Variants in RP1 observed in about 807,000 individuals in gnomAD.
RP1 encodes the protein RP1 axonemal microtubule associated.
RP1 carries 16 observed loss-of-function variants against 14.8 expected under a neutral mutation model. The ratio of observed to expected loss-of-function variants is 1.08; its 90% CI spans 0.73 to 1.65. The LOEUF (loss-of-function observed/expected upper bound fraction) is 1.65. Ranked by LOEUF, RP1 falls within the 40% of genes most tolerant of loss-of-function variation. The pLI, the probability that RP1 is intolerant of heterozygous loss-of-function variation, is 0.00. For missense variants in RP1, 2,631 were observed against 2,535.0 expected (o/e 1.04, Z -0.81); for synonymous variants, 876 against 883.6 (o/e 0.99, Z 0.15).
chr8:54,674,063 T>C, intron 8 of RP1: 1 of 657,954 alleles, frequency 1.5e-6, no homozygotes, highest in Non-Finnish European at 2.5e-6. Context: ...GAAATCAAAA[T>C]ATTGTCTCCA....
intron 19 of RP1, among the ~76,000 whole-genome samples, chr8:54,741,790 G>T (rs1162147889): frequency 2.4e-5 from 3 of 124,242 alleles, no homozygotes; most frequent in African/African-American, 9.0e-5. Context: ...ATTGAATCAT[G>T]CTATGTATGC....
At chr8:54,571,403 A>G (rs1354731703) in intron 1 of RP1, among the ~76,000 whole-genome samples, 1 of 152,162 alleles carries the variant, frequency 6.6e-6, no homozygotes, top group Non-Finnish European at 1.5e-5. Context: ...TGCCTAACAT[A>G]TCATAGGTGC....
intron 1 of RP1, among the ~76,000 whole-genome samples, chr8:54,568,438 T>C (rs1339274418): frequency 1.3e-5 from 2 of 152,092 alleles, no homozygotes; most frequent in Non-Finnish European, 2.9e-5. Flanking sequence ...GTTATTTTGT[T>C]CTTGAGTTAT....
intron 19 of RP1, among the ~76,000 whole-genome samples, chr8:54,740,218 G>C (rs1261514945): frequency 6.6e-6 from 1 of 150,620 alleles, no homozygotes; most frequent in African/African-American, 2.4e-5. Context: ...CTTTCAAGAA[G>C]TGTTCCAGAA....
chr8:54,867,317 A>G (rs1271619575), intron 28 of RP1, among the ~76,000 whole-genome samples: 2 of 152,182 alleles, frequency 1.3e-5, no homozygotes, highest in Admixed American at 1.3e-4. Context: ...TCTTTTCTCA[A>G]TGCACTTCCA....
chr8:54,728,555 G>A (rs202182544), intron 17 of RP1, among the ~76,000 whole-genome samples: 1 of 152,068 alleles, frequency 6.6e-6, no homozygotes, highest in African/African-American at 2.4e-5. Context: ...AAATAAAACT[G>A]TTCTGTCTTC....
chr8:54,848,516 C>T (rs1187343205), intron 25 of RP1, among the ~76,000 whole-genome samples: 1 of 152,176 alleles, frequency 6.6e-6, no homozygotes, highest in Admixed American at 6.5e-5. Context: ...TTCTCCCATA[C>T]ACACTGCTGG....
chr8:54,670,790 T>C (rs1208881099), intron 7 of RP1, among the ~76,000 whole-genome samples: 1 of 149,310 alleles, frequency 6.7e-6, no homozygotes, highest in African/African-American at 2.5e-5. Flanking sequence ...AATTAAACTC[T>C]ATTTTGTCTG....
chr8:54,852,941 A>T (rs1812090519), intron 26 of RP1, among the ~76,000 whole-genome samples: 1 of 152,200 alleles, frequency 6.6e-6, no homozygotes, highest in South Asian at 2.1e-4. Context: ...CTACTTCCAG[A>T]TAGGGCAGAC....
chr8:54,743,489 T>C (rs1809148042), intron 19 of RP1, among the ~76,000 whole-genome samples: 1 of 152,186 alleles, frequency 6.6e-6, no homozygotes, highest in Non-Finnish European at 1.5e-5. Context: ...TTTTTCCTTC[T>C]CTCCATTTCA....
intron 1 of RP1, among the ~76,000 whole-genome samples, chr8:54,579,942 A>G (rs149083923): frequency 1.0e-3 from 154 of 152,304 alleles, no homozygotes; most frequent in African/African-American, 3.7e-3. Context: ...GCTCCCTCAC[A>G]TTCCTCCTGG....
chr8:54,803,679 C>T (rs1338697019), intron 24 of RP1, among the ~76,000 whole-genome samples: 1 of 151,974 alleles, frequency 6.6e-6, no homozygotes, highest in Non-Finnish European at 1.5e-5. Context: ...AACATGTATG[C>T]TACAATTTAT....
intron 5 of RP1, among the ~76,000 whole-genome samples, chr8:54,654,079 T>C (rs1030240322): frequency 2.6e-5 from 4 of 152,240 alleles, no homozygotes; most frequent in African/African-American, 9.6e-5. Flanking sequence ...GCCTAAGGTT[T>C]ACTTTGGCTC....
At position 54,734,807 on chromosome 8, in the gene RP1, A is replaced by AGTGT. The variant is rs112017805; in HGVS notation, c.2721+84_2721+87dup. The AGTGT allele has an allele frequency of 3.2e-3, 3,855 of 1,200,840 alleles. 51 individuals are homozygous for AGTGT. In the African/African-American group the frequency reaches 0.043, roughly 13 times the overall value. 74.4% of individuals were successfully genotyped at this position (1,200,840 alleles called of 1,614,324 possible). On this transcript the variant is annotated intron_variant, in intron 18 of 22. Coordinates refer to the RP1 transcript ENST00000636932. ...TTCAAAGACATTTCTGTAATGTAGAAGTGTGTGTGTGTGTGTGTGTGTGTC... is the reference window on the plus strand; with the variant it reads ...TTCAAAGACATTTCTGTAATGTAGAAGTGTGTGTGTGTGTGTGTGTGTGTGTGTC...
intron 1 of RP1, among the ~76,000 whole-genome samples, chr8:54,571,309 C>A (rs1488789097): frequency 5.3e-5 from 8 of 152,220 alleles, no homozygotes; most frequent in Non-Finnish European, 1.2e-4. Flanking sequence ...CACTTGCAGT[C>A]ACTTTTATAG....
At chr8:54,687,317 A>AT (rs539880582) in intron 12 of RP1, among the ~76,000 whole-genome samples, 86 of 151,918 alleles carry the variant, frequency 5.7e-4, no homozygotes, top group African/African-American at 2.0e-3. Context: ...TTTAAAAAAT[A>AT]TTTTTTATTA....
At chr8:54,706,628 A>C in exon 15 of RP1, 1 of 1,536,108 alleles carries the variant, frequency 6.5e-7, no homozygotes. Flanking sequence ...TGTATCTAAG[A>C]ATCAAGGATG....
chr8:54,779,949 A>C (rs1335002973), intron 23 of RP1, among the ~76,000 whole-genome samples: 2 of 152,216 alleles, frequency 1.3e-5, no homozygotes, highest in Non-Finnish European at 2.9e-5. Context: ...CAGTGGCTGA[A>C]AACAATAATT....
chr8:54,848,634 G>GTCCCTTCTCCCTCC (rs1811985771), intron 25 of RP1, among the ~76,000 whole-genome samples: 1 of 152,150 alleles, frequency 6.6e-6, no homozygotes, highest in Admixed American at 6.5e-5. Flanking sequence ...TCATGATGCA[G>GTCCCTTCTCCCTCC]TGGTATTATA....
Sources: gnomAD v4.1 joint callset for allele counts (sites outside exome capture counted in the v4.1 genomes callset) on GRCh38, gnomAD v4.1.1 for gene constraint, MANE v1.5 for transcripts, NCBI Gene and HGNC (gene_info 2026-07-23, HGNC 2026-07-21) for gene names.